Variants in HMGCLL1 observed in about 807,000 individuals in gnomAD.
HMGCLL1 encodes the protein 3-hydroxymethyl-3-methylglutaryl-CoA lyase, cytoplasmic.
A neutral mutation model predicts 39.1 loss-of-function variants in HMGCLL1; 36 were observed. That is an observed-to-expected ratio of 0.92 (90% CI 0.71 to 1.22). The LOEUF is 1.22. Among genes scored for constraint, HMGCLL1 ranks in the 50% most tolerant of loss-of-function variants. The probability of loss-of-function intolerance (pLI) is 0.00; values close to 1 mark genes in which losing one functional copy is unlikely to be tolerated. For missense variants in HMGCLL1, 451 were observed against 416.5 expected (o/e 1.08, Z -0.72); for synonymous variants, 149 against 144.0 (o/e 1.03, Z -0.25).
the HMGCLL1 span, among the ~76,000 whole-genome samples, chr6:55,645,471 C>T: frequency 3.9e-5 from 6 of 152,036 alleles, no homozygotes; most frequent in African/African-American, 1.4e-4. Context: ...ATCCTTGTCA[C>T]ATTCCAGATC....
At chr6:55,602,353 T>C in the HMGCLL1 span, among the ~76,000 whole-genome samples, 4 of 152,130 alleles carry the variant, frequency 2.6e-5, no homozygotes, top group Non-Finnish European at 5.9e-5. Context: ...AGACAAAAAA[T>C]ATAATACAAT....
chr6:55,543,229 A>T (rs866579433), intron 1 of HMGCLL1, among the ~76,000 whole-genome samples: 10 of 11,908 alleles, frequency 8.4e-4, no homozygotes, highest in African/African-American at 2.0e-3. Flanking sequence ...ATAATATATA[A>T]TATAGATATA....
At chr6:55,520,222 T>C (rs1767966766) in intron 3 of HMGCLL1, among the ~76,000 whole-genome samples, 1 of 148,410 alleles carries the variant, frequency 6.7e-6, no homozygotes, top group Non-Finnish European at 1.5e-5. Context: ...ATTCTGCACA[T>C]GTACCCCAGA....
At chr6:55,491,215 A>C (rs1766292524) in intron 7 of HMGCLL1, among the ~76,000 whole-genome samples, 1 of 152,186 alleles carries the variant, frequency 6.6e-6, no homozygotes, top group African/African-American at 2.4e-5. Context: ...CTCAAAAACA[A>C]ATTATATGAA....
At chr6:55,527,512 T>C (rs1232716580) in intron 3 of HMGCLL1, among the ~76,000 whole-genome samples, 1 of 152,062 alleles carries the variant, frequency 6.6e-6, no homozygotes, top group East Asian at 1.9e-4. Flanking sequence ...TATTCAGAGA[T>C]GAATCCCCAT....
rs1238224656 is a variant in HMGCLL1 at position 55,543,155 on chromosome 6, TATTA to T, written c.109-1019_109-1016del. ...TATATGATATATTATATATTATATA[TATTA>T]TATATATAATATATAATATATAATA... On this transcript the variant is annotated intron_variant, in intron 1 of 8. Coordinates refer to ENST00000274901, the MANE Select transcript of HMGCLL1 (RefSeq NM_001042406.2). Among the ~76,000 whole-genome samples, 3 of 8,546 alleles carry T rather than the reference TATTA, an allele frequency of 3.5e-4. 1 individual carries two copies. The highest frequency in any genetic ancestry group is 9.2e-4 in the African/African-American group (3 of 3,270). The allele number at this position is 8,546 out of a possible 152,430, so 5.6% of individuals were successfully genotyped here. A position where few individuals can be genotyped will look rare whatever the true frequency, so the allele number is the denominator to read the frequency against.
At chr6:55,640,384 AG>A in the HMGCLL1 span, among the ~76,000 whole-genome samples, 2 of 152,168 alleles carry the variant, frequency 1.3e-5, no homozygotes, top group African/African-American at 4.8e-5. Context: ...GCCTACTACA[AG>A]AATGAATCAC....
chr6:55,488,495 T>G lies in HMGCLL1; in HGVS notation c.795+6924A>C, dbSNP rs537932495. Among the ~76,000 whole-genome samples the G allele has an allele frequency of 3.9e-5, 6 of 152,166 alleles. No individual in the cohort carries two copies. In the East Asian group the frequency reaches 9.6e-4, roughly 24 times the overall value. On this transcript the variant is annotated intron_variant, in intron 7 of 8. Coordinates refer to ENST00000274901, the MANE Select transcript of HMGCLL1 (RefSeq NM_001042406.2). ...GCCTAACAGCAGAGAGACTTTCACATAGAAGATAACCAATAAACCTTTTTT... is the reference window on the plus strand; with the variant it reads ...GCCTAACAGCAGAGAGACTTTCACAGAGAAGATAACCAATAAACCTTTTTT...
the HMGCLL1 span, among the ~76,000 whole-genome samples, chr6:55,587,307 T>G: frequency 5.3e-5 from 8 of 152,110 alleles, no homozygotes; most frequent in African/African-American, 1.7e-4. Context: ...TTTTGTCAGA[T>G]GAATAGATTG....
At chr6:55,516,408 G>A (rs959753535) in intron 4 of HMGCLL1, 100 bp downstream of exon 4, 12 of 669,994 alleles carry the variant, frequency 1.8e-5, no homozygotes, top group African/African-American at 8.8e-5. Context: ...CATAGTATTT[G>A]TATTACAGAT....
the HMGCLL1 span, among the ~76,000 whole-genome samples, chr6:55,584,513 G>A: frequency 2.0e-5 from 3 of 152,030 alleles, no homozygotes; most frequent in African/African-American, 7.2e-5. Context: ...AGGGTTGTTG[G>A]CACTGTCTAT....
At chr6:55,675,727 A>T in the HMGCLL1 span, among the ~76,000 whole-genome samples, 9 of 152,128 alleles carry the variant, frequency 5.9e-5, no homozygotes, top group East Asian at 1.7e-3. Flanking sequence ...AATCCATGTA[A>T]CCTTAATGAC....
the HMGCLL1 span, among the ~76,000 whole-genome samples, chr6:55,593,786 C>T: frequency 1.3e-5 from 2 of 152,082 alleles, no homozygotes; most frequent in Non-Finnish European, 2.9e-5. Context: ...CTAACAGTTT[C>T]TCATATATTA....
chr6:55,530,872 AATAAC>A (rs1768624420), intron 3 of HMGCLL1, among the ~76,000 whole-genome samples: 1 of 152,182 alleles, frequency 6.6e-6, no homozygotes, highest in Non-Finnish European at 1.5e-5. Context: ...AAAATATTCA[AATAAC>A]ATAACTCTTT....
intron 7 of HMGCLL1, among the ~76,000 whole-genome samples, chr6:55,481,817 C>CCTAT: frequency 6.6e-6 from 1 of 151,812 alleles, no homozygotes; most frequent in South Asian, 2.1e-4. Context: ...TACCTATCTA[C>CCTAT]CTACCTATCT....
chr6:55,585,433 TTAAC>T, the HMGCLL1 span, among the ~76,000 whole-genome samples: 1 of 152,128 alleles, frequency 6.6e-6, no homozygotes, highest in Non-Finnish European at 1.5e-5. Flanking sequence ...TTTGTTTCCA[TTAAC>T]TACAAGCTCA....
At chr6:55,639,882 C>T in the HMGCLL1 span, among the ~76,000 whole-genome samples, 1 of 152,036 alleles carries the variant, frequency 6.6e-6, no homozygotes, top group East Asian at 1.9e-4. Context: ...AGTTCAAGAC[C>T]AGCCTGGCCA....
intron 7 of HMGCLL1, among the ~76,000 whole-genome samples, chr6:55,439,978 G>C (rs1342854806): frequency 2.0e-5 from 3 of 152,094 alleles, no homozygotes; most frequent in Non-Finnish European, 4.4e-5. Flanking sequence ...AAATGCCTTA[G>C]ATGACTGGTA....
At chr6:55,662,550 G>C in the HMGCLL1 span, among the ~76,000 whole-genome samples, 2 of 151,696 alleles carry the variant, frequency 1.3e-5, no homozygotes, top group Non-Finnish European at 3.0e-5. Context: ...TCATGGTGGA[G>C]TAGCTTTTTG....
Sources: gnomAD v4.1 joint callset for allele counts (sites outside exome capture counted in the v4.1 genomes callset) on GRCh38, gnomAD v4.1.1 for gene constraint, MANE v1.5 for transcripts, NCBI Gene and HGNC (gene_info 2026-07-23, HGNC 2026-07-21) for gene names.